The following PPFIA2 variants were observed in gnomAD, a reference collection of about 807,000 sequenced individuals.
PPFIA2 encodes the protein liprin-alpha-2.
Under a neutral mutation model 175.5 loss-of-function variants are expected in PPFIA2, and 46 were observed. The ratio of observed to expected loss-of-function variants is 0.26; its 90% CI spans 0.21 to 0.34. The LOEUF (loss-of-function observed/expected upper bound fraction) is 0.34. PPFIA2 is among the 10% of genes least tolerant of loss of function. The pLI is 1.00. For synonymous variants in PPFIA2, 568 were observed against 511.4 expected, an observed-to-expected ratio of 1.11 and a Z score of -1.49; for missense variants, 1,179 against 1,506.1, an observed-to-expected ratio of 0.78 and a Z score of 3.60.
intron 22 of PPFIA2, among the ~76,000 whole-genome samples, chr12:81,319,651 T>C (rs2053227373): frequency 6.6e-6 from 1 of 151,872 alleles, no homozygotes; most frequent in African/African-American, 2.4e-5. Context: ...AGCACAAATA[T>C]CTGTTCCAAA....
At chr12:81,370,939 T>C (rs951998031) in intron 11 of PPFIA2, among the ~76,000 whole-genome samples, 7 of 152,038 alleles carry the variant, frequency 4.6e-5, no homozygotes, top group South Asian at 2.1e-4. Context: ...TATAGAACTA[T>C]ATATAAATAT....
intron 4 of PPFIA2, among the ~76,000 whole-genome samples, chr12:81,460,278 G>T (rs776816117): frequency 6.6e-6 from 1 of 152,022 alleles, no homozygotes; most frequent in Non-Finnish European, 1.5e-5. Context: ...AAGGGAAACC[G>T]CTTTCATTTG....
rs1314475814 is a variant in PPFIA2, at chr12:81,707,242, A to G, written c.250-30398T>C. 4.8e-3 allele frequency among the ~76,000 whole-genome samples: 723 copies of G among 152,022 alleles called. 3 individuals carry two copies. The highest frequency in any genetic ancestry group is 0.016 in the African/African-American group (661 of 41,496). ...CATCAGAGTGAACAGGCAACCCACA[A>G]AATGGGAGAAAATTTTCACAACCTA... On this transcript the variant is annotated intron_variant, in intron 3 of 32. Coordinates refer to ENST00000549396, the MANE Select transcript of PPFIA2 (RefSeq NM_003625.5).
intron 4 of PPFIA2, among the ~76,000 whole-genome samples, chr12:81,509,122 T>C (rs2061506330): frequency 1.3e-5 from 2 of 152,084 alleles, no homozygotes; most frequent in Non-Finnish European, 2.9e-5. Flanking sequence ...CACAGGTATT[T>C]AAAGAATAGA....
At chr12:81,486,416 A>T (rs894125021) in intron 4 of PPFIA2, among the ~76,000 whole-genome samples, 1 of 151,918 alleles carries the variant, frequency 6.6e-6, no homozygotes, top group Non-Finnish European at 1.5e-5. Context: ...CCATGCAGAA[A>T]ACTTTCAGGA....
chr12:81,563,689 G>C (rs1316634574), intron 4 of PPFIA2, among the ~76,000 whole-genome samples: 3 of 152,124 alleles, frequency 2.0e-5, no homozygotes, highest in Admixed American at 2.0e-4. Context: ...TAATTGAACT[G>C]CTTTACTCTA....
At chr12:81,691,077 GGA>G in intron 3 of PPFIA2, among the ~76,000 whole-genome samples, 1 of 152,016 alleles carries the variant, frequency 6.6e-6, no homozygotes, top group Non-Finnish European at 1.5e-5. Flanking sequence ...ACATGTCCTG[GGA>G]TATAAGATGC....
chr12:81,607,025 A>G (rs1276386215), intron 4 of PPFIA2, among the ~76,000 whole-genome samples: 4 of 152,030 alleles, frequency 2.6e-5, no homozygotes, highest in Non-Finnish European at 4.4e-5. Flanking sequence ...TCAATCTTCT[A>G]CATGTGGCTA....
At chr12:81,591,558 C>A (rs949504918) in intron 4 of PPFIA2, among the ~76,000 whole-genome samples, 1 of 152,132 alleles carries the variant, frequency 6.6e-6, no homozygotes, top group African/African-American at 2.4e-5. Flanking sequence ...ATGGGCCGGG[C>A]CCAGGGTCCT....
intron 21 of PPFIA2, among the ~76,000 whole-genome samples, chr12:81,338,553 C>T (rs2057490726): frequency 6.6e-6 from 1 of 151,790 alleles, no homozygotes; most frequent in Admixed American, 6.6e-5. Flanking sequence ...ACATCCATTC[C>T]TCAACTATAC....
intron 2 of PPFIA2, among the ~76,000 whole-genome samples, chr12:81,756,309 T>C (rs569245927): frequency 1.3e-4 from 20 of 152,248 alleles, no homozygotes; most frequent in African/African-American, 4.8e-4. Flanking sequence ...ATGAAAGTTA[T>C]TAATCCCTTT....
chr12:81,273,101 T>G lies in PPFIA2; in HGVS notation c.3310+4216A>C, dbSNP rs141757597. The stretch of plus-strand genomic sequence containing the variant: ...TTTGATTTTTTTTACTGTATTATCA[T>G]GAGATTACAACAGTTCTCTTTCTAG... On this transcript the variant is annotated intron_variant, in intron 28 of 32. Transcript: ENST00000549396. Among the ~76,000 whole-genome samples, 11 of 152,330 alleles carry G rather than the reference T, an allele frequency of 7.2e-5. No individual in the cohort carries two copies. In the East Asian group the frequency reaches 2.1e-3, roughly 29 times the overall value.
intron 3 of PPFIA2, among the ~76,000 whole-genome samples, chr12:81,707,258 T>A (rs2077283684): frequency 6.6e-6 from 1 of 151,694 alleles, no homozygotes; most frequent in Non-Finnish European, 1.5e-5. Flanking sequence ...GAGAAAATTT[T>A]CACAACCTAC....
intron 4 of PPFIA2, among the ~76,000 whole-genome samples, chr12:81,638,677 A>ATT (rs1287049321): frequency 6.1e-5 from 6 of 97,770 alleles, no homozygotes; most frequent in Admixed American, 2.1e-4. Flanking sequence ...TTTGTCATAA[A>ATT]TTTTCTTTTT....
intron 23 of PPFIA2, 136 bp from the exon 24 acceptor site, chr12:81,295,171 C>G (rs1249435746): frequency 1.3e-6 from 1 of 776,732 alleles, no homozygotes; most frequent in Non-Finnish European, 2.0e-6. Context: ...ATTATTTTCC[C>G]TAGAGGACAT....
At chr12:81,325,722 T>TA in intron 22 of PPFIA2, 55 bp downstream of exon 22, 1 of 1,255,030 alleles carries the variant, frequency 8.0e-7, no homozygotes, top group Middle Eastern at 1.9e-4. Context: ...TCCCTATAAA[T>TA]AATAATAAGG....
intron 23 of PPFIA2, 48 bp downstream of exon 23, chr12:81,299,253 C>G: frequency 6.6e-7 from 1 of 1,509,232 alleles, no homozygotes; most frequent in African/African-American, 1.4e-5. Flanking sequence ...AAAAAATTAT[C>G]AACTTAGTAG....
At chr12:81,288,012 T>A (rs2043917098) in intron 24 of PPFIA2, among the ~76,000 whole-genome samples, 1 of 151,394 alleles carries the variant, frequency 6.6e-6, no homozygotes, top group South Asian at 2.1e-4. Flanking sequence ...CCAATAGTCA[T>A]TTTTTTGTGG....
At chr12:81,426,145 G>A (rs958549972) in intron 7 of PPFIA2, among the ~76,000 whole-genome samples, 2 of 152,154 alleles carry the variant, frequency 1.3e-5, no homozygotes, top group Admixed American at 6.6e-5. Flanking sequence ...AATCAAACAG[G>A]TAATTAATCG....
Sources: gnomAD v4.1 joint callset for allele counts (sites outside exome capture counted in the v4.1 genomes callset) on GRCh38, gnomAD v4.1.1 for gene constraint, MANE v1.5 for transcripts, NCBI Gene and HGNC (gene_info 2026-07-23, HGNC 2026-07-21) for gene names.